Variants in CENPP observed in about 807,000 individuals in gnomAD.
CENPP encodes the protein centromere protein P.
Under a neutral mutation model 35.6 loss-of-function variants are expected in CENPP, and 24 were observed. That is an observed-to-expected ratio of 0.67 (90% CI 0.49 to 0.95). CENPP has a LOEUF of 0.95. Among genes scored for constraint, CENPP ranks in the 40% least tolerant of loss-of-function variants. CENPP has a pLI of 0.00. For synonymous variants in CENPP, 120 were observed against 125.5 expected (o/e 0.96, Z 0.29); for missense variants, 332 against 345.3 (o/e 0.96, Z 0.31).
chr9:92,440,859 G>A (rs1043422537), intron 5 of CENPP, among the ~76,000 whole-genome samples: 6 of 152,104 alleles, frequency 3.9e-5, no homozygotes, highest in African/African-American at 1.4e-4. Flanking sequence ...AGGTAAAACC[G>A]AGACTATTGT....
chr9:92,459,843 A>G (rs1203582307), intron 5 of CENPP: 2 of 1,368,192 alleles, frequency 1.5e-6, no homozygotes. Context: ...AAAACACCGC[A>G]AACTAGTTAG....
At chr9:92,516,212 C>CTG (rs1211692980) in intron 5 of CENPP, among the ~76,000 whole-genome samples, 1 of 151,888 alleles carries the variant, frequency 6.6e-6, no homozygotes, top group Non-Finnish European at 1.5e-5. Flanking sequence ...TACAGGCACC[C>CTG]CACCACCATG....
intron 5 of CENPP, among the ~76,000 whole-genome samples, chr9:92,604,889 C>T (rs549272207): frequency 1.6e-4 from 25 of 152,166 alleles, no homozygotes; most frequent in African/African-American, 4.8e-4. Context: ...CCACCACACC[C>T]GGCCTGCATT....
chr9:92,611,134 C>A, intron 5 of CENPP, 180 bp from the exon 6 acceptor site: 1 of 632,000 alleles, frequency 1.6e-6, no homozygotes, highest in South Asian at 1.9e-5. Flanking sequence ...GTGGAGAGAC[C>A]TACAGTGGGG....
chr9:92,465,881 G>A (rs1381658413), intron 5 of CENPP, among the ~76,000 whole-genome samples: 3 of 150,478 alleles, frequency 2.0e-5, no homozygotes, highest in Non-Finnish European at 4.4e-5. Flanking sequence ...CACCCAGGCT[G>A]GAGTGCAGTG....
intron 5 of CENPP, among the ~76,000 whole-genome samples, chr9:92,483,713 C>T (rs193240640): frequency 4.7e-4 from 72 of 152,340 alleles, no homozygotes; most frequent in Non-Finnish European, 9.1e-4. Context: ...AGAAATGGCA[C>T]ACATTGTGTT....
chr9:92,381,280 CTTTTCT>C (rs1190193149), intron 5 of CENPP, among the ~76,000 whole-genome samples: 29 of 137,816 alleles, frequency 2.1e-4, no homozygotes, highest in African/African-American at 8.3e-4. Flanking sequence ...TGTCAGATTT[CTTTTCT>C]TTTTTTTTTT....
intron 5 of CENPP, among the ~76,000 whole-genome samples, chr9:92,419,240 A>C (rs780289610): frequency 3.6e-4 from 55 of 151,850 alleles, no homozygotes; most frequent in Non-Finnish European, 5.1e-4. Flanking sequence ...CAATAAAATA[A>C]GAATTGCAAT....
chr9:92,408,375 AG>A (rs996878275), intron 5 of CENPP, among the ~76,000 whole-genome samples: 2 of 152,084 alleles, frequency 1.3e-5, no homozygotes, highest in Non-Finnish European at 2.9e-5. Context: ...CAGTAGAGAC[AG>A]GGTTTCACCA....
chr9:92,611,099 C>T (rs1033078887), intron 5 of CENPP: 2 of 604,120 alleles, frequency 3.3e-6, no homozygotes, highest in Non-Finnish European at 5.9e-6. Flanking sequence ...GATGGGGAAG[C>T]AGCAGTCATG....
At chr9:92,571,974 A>G (rs1187829320) in intron 5 of CENPP, among the ~76,000 whole-genome samples, 1 of 135,740 alleles carries the variant, frequency 7.4e-6, no homozygotes, top group East Asian at 2.1e-4. Context: ...TTTTGAGCCT[A>G]TGTGTGTCTC....
intron 5 of CENPP, among the ~76,000 whole-genome samples, chr9:92,527,156 GTGCCACCA>G (rs1848465333): frequency 6.6e-6 from 1 of 152,092 alleles, no homozygotes; most frequent in African/African-American, 2.4e-5. Flanking sequence ...CTACAGACCC[GTGCCACCA>G]TGCCCAGCTG....
intron 5 of CENPP, among the ~76,000 whole-genome samples, chr9:92,443,666 T>G (rs1241888383): frequency 2.6e-5 from 4 of 152,104 alleles, no homozygotes; most frequent in Admixed American, 6.6e-5. Context: ...AAGTTTTTTT[T>G]TTTTGTTTTT....
intron 2 of CENPP, among the ~76,000 whole-genome samples, chr9:92,334,982 T>C (rs1023100865): frequency 2.7e-5 from 4 of 150,480 alleles, no homozygotes; most frequent in African/African-American, 9.8e-5. Context: ...AGGTCAGGAG[T>C]TCGAGACCAG....
chr9:92,450,165 T>C (rs942425137), intron 5 of CENPP, among the ~76,000 whole-genome samples: 10 of 151,838 alleles, frequency 6.6e-5, no homozygotes, highest in Admixed American at 5.3e-4. Flanking sequence ...TACATATGTA[T>C]ACATGTGCCA....
chr9:92,550,018 T>C (rs1479339229), intron 5 of CENPP, among the ~76,000 whole-genome samples: 1 of 152,204 alleles, frequency 6.6e-6, no homozygotes. Context: ...ACTGAATCTC[T>C]GTACTCAGCA....
At chr9:92,603,355 GT>G (rs1850980687) in intron 5 of CENPP, among the ~76,000 whole-genome samples, 1 of 152,242 alleles carries the variant, frequency 6.6e-6, no homozygotes, top group Non-Finnish European at 1.5e-5. Flanking sequence ...GTATTTGTCA[GT>G]TTTCTTTCTG....
intron 5 of CENPP, chr9:92,510,153 A>G: frequency 8.7e-7 from 1 of 1,148,238 alleles, no homozygotes. Context: ...TTAGACAGTA[A>G]TGTCCAGGCC....
intron 4 of CENPP, among the ~76,000 whole-genome samples, chr9:92,368,875 C>G (rs1841947111): frequency 6.6e-6 from 1 of 151,782 alleles, no homozygotes; most frequent in South Asian, 2.1e-4. Flanking sequence ...CCTGTCTCTA[C>G]AAAAAAAGAA....
Sources: gnomAD v4.1 joint callset for allele counts (sites outside exome capture counted in the v4.1 genomes callset) on GRCh38, gnomAD v4.1.1 for gene constraint, MANE v1.5 for transcripts, NCBI Gene and HGNC (gene_info 2026-07-23, HGNC 2026-07-21) for gene names.